GALNT13: variants seen among roughly 807,000 people sequenced by gnomAD.
The protein encoded by GALNT13 is polypeptide N-acetylgalactosaminyltransferase 13.
In GALNT13, 28 loss-of-function variants were observed where a neutral mutation model predicts 64.2. That is an observed-to-expected ratio of 0.44 (90% CI 0.32 to 0.60). The LOEUF (loss-of-function observed/expected upper bound fraction) is 0.60. Among genes scored for constraint, GALNT13 ranks in the 20% least tolerant of loss-of-function variants. The probability of loss-of-function intolerance (pLI) is 0.05; values close to 1 mark genes in which losing one functional copy is unlikely to be tolerated. For synonymous variants in GALNT13, 214 were observed against 224.6 expected (o/e 0.95, Z 0.42); for missense variants, 577 against 669.8 (o/e 0.86, Z 1.53).
the GALNT13 span, among the ~76,000 whole-genome samples, chr2:153,828,060 G>A: frequency 6.6e-6 from 1 of 152,214 alleles, no homozygotes; most frequent in South Asian, 2.1e-4. Flanking sequence ...CAAGAGGCAG[G>A]TTCCCATAGT....
chr2:153,694,574 TAGAAATC>T, the GALNT13 span, among the ~76,000 whole-genome samples: 1 of 152,260 alleles, frequency 6.6e-6, no homozygotes, highest in East Asian at 1.9e-4. Context: ...TTTATGGTGT[TAGAAATC>T]AGAATAGTGT....
the GALNT13 span, among the ~76,000 whole-genome samples, chr2:153,505,881 A>T: frequency 6.6e-6 from 1 of 152,140 alleles, no homozygotes; most frequent in Non-Finnish European, 1.5e-5. Context: ...CATTTGTTCT[A>T]GGATATAGTT....
At chr2:154,273,558 G>A (rs898245680) in intron 8 of GALNT13, among the ~76,000 whole-genome samples, 1 of 152,148 alleles carries the variant, frequency 6.6e-6, no homozygotes, top group African/African-American at 2.4e-5. Context: ...GGTCAACAAC[G>A]ACACATATAC....
chr2:154,424,021 A>G (rs1177746853), intron 11 of GALNT13, among the ~76,000 whole-genome samples: 6 of 152,224 alleles, frequency 3.9e-5, no homozygotes, highest in African/African-American at 9.6e-5. Context: ...GAGATATTCT[A>G]TAAAGTGCCT....
At chr2:154,075,907 C>A (rs1350605784) in intron 3 of GALNT13, among the ~76,000 whole-genome samples, 2 of 151,514 alleles carry the variant, frequency 1.3e-5, no homozygotes, top group African/African-American at 4.8e-5. Flanking sequence ...TATATATATA[C>A]ACATTACATA....
chr2:154,125,139 AT>A (rs756554014), intron 3 of GALNT13, among the ~76,000 whole-genome samples: 75 of 152,262 alleles, frequency 4.9e-4, no homozygotes, highest in Admixed American at 8.5e-4. Context: ...TATATGGAAC[AT>A]TTTAGAACAG....
At chr2:153,734,241 G>A in the GALNT13 span, among the ~76,000 whole-genome samples, 1 of 152,056 alleles carries the variant, frequency 6.6e-6, no homozygotes, top group East Asian at 1.9e-4. Context: ...TTGCTTTTCA[G>A]TTTTCATGTG....
intron 4 of GALNT13, among the ~76,000 whole-genome samples, chr2:154,151,737 G>A (rs947077114): frequency 1.2e-4 from 18 of 151,992 alleles, no homozygotes; most frequent in African/African-American, 3.4e-4. Context: ...GTTTTATCAG[G>A]GACTAGGATT....
chr2:153,604,680 G>A, the GALNT13 span, among the ~76,000 whole-genome samples: 1 of 152,124 alleles, frequency 6.6e-6, no homozygotes, highest in Middle Eastern at 3.4e-3. Flanking sequence ...TATCTAACTA[G>A]ATATTCTTGT....
chr2:153,993,822 C>G (rs1299657954), intron 3 of GALNT13, among the ~76,000 whole-genome samples: 3 of 151,704 alleles, frequency 2.0e-5, no homozygotes, highest in Admixed American at 6.6e-5. Flanking sequence ...TGTAGGTAAA[C>G]CCCCTGTGCA....
chr2:153,316,285 C>A, the GALNT13 span, among the ~76,000 whole-genome samples: 1 of 152,118 alleles, frequency 6.6e-6, no homozygotes, highest in Non-Finnish European at 1.5e-5. Context: ...CCTACCGCCA[C>A]TCTGACCCAA....
chr2:154,180,530 G>T (rs988034238), intron 4 of GALNT13, among the ~76,000 whole-genome samples: 3 of 151,618 alleles, frequency 2.0e-5, no homozygotes, highest in South Asian at 2.1e-4. Flanking sequence ...AAATAGATTT[G>T]TTTTTTTCTG....
chr2:153,520,823 T>C, the GALNT13 span, among the ~76,000 whole-genome samples: 1 of 152,186 alleles, frequency 6.6e-6, no homozygotes, highest in Non-Finnish European at 1.5e-5. Flanking sequence ...ATCTGAATAA[T>C]TTCCTTTCCG....
chr2:154,034,382 T>A (rs943141353), intron 3 of GALNT13, among the ~76,000 whole-genome samples: 3 of 152,196 alleles, frequency 2.0e-5, no homozygotes, highest in Admixed American at 6.5e-5. Context: ...ATAAAATGTT[T>A]TGAACAAAAT....
chr2:153,944,511 T>C lies in GALNT13; in HGVS notation c.14T>C (p.Val5Ala). 6.2e-7 allele frequency: 1 copy of C among 1,613,154 alleles called. No homozygotes were observed. The highest frequency in any genetic ancestry group is 8.5e-7 in the Non-Finnish European group (1 of 1,179,458). MRRF[V>A]YCKVVLATSL... ...TCAAGGAAAGACATGAGGAGATTTGTCTACTGCAAGGTGGTTCTAGCCACT... is the reference window on the plus strand; with the variant it reads ...TCAAGGAAAGACATGAGGAGATTTGCCTACTGCAAGGTGGTTCTAGCCACT... The change falls in exon 3 of 13, where the codon GTC (valine) becomes GCC (alanine). Residue 5 changes from valine (V) to alanine (A), a missense_variant. Around this residue, in one of 3 missense-constraint regions of GALNT13, gnomAD observed 341 missense variants for 379.3 expected, o/e 0.90. Coordinates refer to ENST00000392825, the MANE Select transcript of GALNT13 (RefSeq NM_052917.4).
intron 3 of GALNT13, among the ~76,000 whole-genome samples, chr2:154,129,680 C>A (rs1682499736): frequency 6.6e-6 from 1 of 151,828 alleles, no homozygotes; most frequent in Admixed American, 6.6e-5. Context: ...TTATATTTAT[C>A]TTTATATTTT....
the GALNT13 span, among the ~76,000 whole-genome samples, chr2:153,822,537 T>G: frequency 1.3e-4 from 20 of 152,146 alleles, no homozygotes; most frequent in Non-Finnish European, 2.2e-4. Flanking sequence ...TCAAATCCCT[T>G]CATGATAAAA....
At chr2:153,690,821 C>G in the GALNT13 span, among the ~76,000 whole-genome samples, 5 of 152,090 alleles carry the variant, frequency 3.3e-5, no homozygotes, top group Non-Finnish European at 5.9e-5. Flanking sequence ...AAGACATTGC[C>G]AAAATTTGCA....
chr2:154,081,550 C>A (rs1326232954), intron 3 of GALNT13, among the ~76,000 whole-genome samples: 1 of 151,608 alleles, frequency 6.6e-6, no homozygotes, highest in East Asian at 1.9e-4. Context: ...ATTATCAATT[C>A]CACAGATGCT....
Sources: gnomAD v4.1 joint callset for allele counts (sites outside exome capture counted in the v4.1 genomes callset) on GRCh38, gnomAD v4.1.1 for gene constraint, gnomAD v4.1.1 regional missense constraint, MANE v1.5 for transcripts, NCBI Gene and HGNC (gene_info 2026-07-23, HGNC 2026-07-21) for gene names.